Variants in C12orf42 observed in about 807,000 individuals in gnomAD.
C12orf42 encodes uncharacterized protein C12orf42.
A neutral mutation model predicts 21.6 loss-of-function variants in C12orf42; 25 were observed. That is an observed-to-expected ratio of 1.16 (90% CI 0.84 to 1.62). The LOEUF (loss-of-function observed/expected upper bound fraction) is 1.62, where lower values mean the gene tolerates loss of function less well. Ranked by LOEUF, C12orf42 falls within the 40% of genes most tolerant of loss-of-function variation. The pLI, the probability that C12orf42 is intolerant of heterozygous loss-of-function variation, is 0.00. For synonymous variants in C12orf42, 174 were observed against 175.0 expected (o/e 0.99, Z 0.05); for missense variants, 483 against 459.3 (o/e 1.05, Z -0.47).
At chr12:103,510,280 C>T in the C12orf42 span, among the ~76,000 whole-genome samples, 5 of 152,174 alleles carry the variant, frequency 3.3e-5, no homozygotes, top group Admixed American at 1.3e-4. Flanking sequence ...ATCAAACATT[C>T]TCACTCATAG....
At chr12:103,241,109 A>T (rs542974083) in intron 10 of C12orf42, among the ~76,000 whole-genome samples, 1 of 152,234 alleles carries the variant, frequency 6.6e-6, no homozygotes, top group Admixed American at 6.5e-5. Context: ...CAAAGAAGTT[A>T]TAAAAACCAT....
At chr12:103,482,408 G>C (rs779580214) in intron 1 of C12orf42, among the ~76,000 whole-genome samples, 2 of 152,120 alleles carry the variant, frequency 1.3e-5, no homozygotes, top group African/African-American at 2.4e-5. Flanking sequence ...CTGTTGTAAA[G>C]ATCGTAGTCA....
In C12orf42 at chr12:103,472,308, C is replaced by T. The variant is rs147779264; in HGVS notation, c.78+6041G>A. Among the ~76,000 whole-genome samples, 842 of 152,184 alleles carry T rather than the reference C, an allele frequency of 5.5e-3. 9 individuals are homozygous for T. The highest frequency in any genetic ancestry group is 0.02 in the African/African-American group (813 of 41,508). ...TGACCTCGTGATCCGCCCGCCTCGGCCTCCCAAAGTGCTGGAATTACAGGC... is the reference window on the plus strand; with the variant it reads ...TGACCTCGTGATCCGCCCGCCTCGGTCTCCCAAAGTGCTGGAATTACAGGC... On this transcript the variant is annotated intron_variant, in intron 2 of 5. Transcript: ENST00000548883.
chr12:103,193,736 G>C, the C12orf42 span, among the ~76,000 whole-genome samples: 2 of 152,048 alleles, frequency 1.3e-5, no homozygotes, highest in African/African-American at 2.4e-5. Context: ...GGACCAGAAG[G>C]CTTTACAGGT....
At chr12:103,489,601 T>C (rs1388562672) in intron 1 of C12orf42, among the ~76,000 whole-genome samples, 2 of 152,124 alleles carry the variant, frequency 1.3e-5, no homozygotes, top group Non-Finnish European at 2.9e-5. Context: ...CTATGGTGGG[T>C]TCCCCCAGTT....
rs545715621 is a variant in C12orf42 at position 103,344,795 on chromosome 12, G to C, written c.259+24092C>G. 1.8e-4 allele frequency among the ~76,000 whole-genome samples: 28 copies of C among 152,300 alleles called. 1 individual carries two copies. The highest frequency in any genetic ancestry group is 6.5e-4 in the African/African-American group (27 of 41,566). ...ACAGAAAAAGAAGAGTGAGGCAAGA[G>C]AAGACAGAGAGAGAGAGGCAGCTTT... is the stretch of plus-strand genomic sequence containing the variant. On this transcript the variant is annotated intron_variant, in intron 4 of 5. Transcript: ENST00000548883.
At chr12:103,230,166 A>T in the C12orf42 span, among the ~76,000 whole-genome samples, 1 of 151,366 alleles carries the variant, frequency 6.6e-6, no homozygotes, top group African/African-American at 2.5e-5. Context: ...AACCAGAAGT[A>T]TGGGCACAGC....
intron 3 of C12orf42, 26 bp downstream of exon 3, chr12:103,401,581 C>T: frequency 6.2e-7 from 1 of 1,607,920 alleles, no homozygotes; most frequent in Non-Finnish European, 8.5e-7. Context: ...TGGAGCAGCC[C>T]TGCACATAAC....
At position 103,425,827 on chromosome 12, in the gene C12orf42, T is replaced by G. The variant is rs1023250308; in HGVS notation, c.79-24152A>C. On this transcript the variant is annotated intron_variant, in intron 2 of 5. Coordinates refer to ENST00000548883, the MANE Select transcript of C12orf42 (RefSeq NM_198521.5). ...TGAGGTGAGGAATCTAGAGAGGCAG[T>G]CTGGCTACAGTGGCTTTGCCGAGCT... 1.0e-3 allele frequency among the ~76,000 whole-genome samples: 154 copies of G among 152,234 alleles called. 1 individual carries two copies. Among genetic ancestry groups the G allele is most frequent in the Non-Finnish European group, 1.8e-3 (122 of 68,008 alleles).
intron 2 of C12orf42, among the ~76,000 whole-genome samples, chr12:103,408,909 T>C (rs1367930856): frequency 1.3e-5 from 2 of 152,210 alleles, no homozygotes; most frequent in Non-Finnish European, 2.9e-5. Flanking sequence ...ATCCAAACAT[T>C]AGCAATTTCA....
chr12:103,076,392 A>G, the C12orf42 span, among the ~76,000 whole-genome samples: 1 of 151,938 alleles, frequency 6.6e-6, no homozygotes, highest in Non-Finnish European at 1.5e-5. Flanking sequence ...GGCAAGAGGC[A>G]GAGAAATATG....
downstream of C12orf42, among the ~76,000 whole-genome samples, chr12:103,232,804 C>A (rs181944867): frequency 6.6e-6 from 1 of 151,478 alleles, no homozygotes; most frequent in African/African-American, 2.4e-5. Context: ...GTAAGGTCTG[C>A]GTCTAGGTTC....
chr12:103,357,097 T>C (rs2137596828), intron 4 of C12orf42, among the ~76,000 whole-genome samples: 1 of 131,894 alleles, frequency 7.6e-6, no homozygotes, highest in Non-Finnish European at 1.5e-5. Context: ...AATTGAACAA[T>C]GAGAACACAT....
At chr12:103,154,787 CAA>C in the C12orf42 span, among the ~76,000 whole-genome samples, 4 of 151,870 alleles carry the variant, frequency 2.6e-5, no homozygotes, top group Non-Finnish European at 5.9e-5. Context: ...CAGAAAAAAA[CAA>C]AGAGAAAAAA....
At chr12:103,400,537 C>T (rs1346219842) in intron 3 of C12orf42, among the ~76,000 whole-genome samples, 2 of 152,194 alleles carry the variant, frequency 1.3e-5, no homozygotes, top group Non-Finnish European at 2.9e-5. Context: ...TAATGAAACA[C>T]CATATTGCAG....
the C12orf42 span, among the ~76,000 whole-genome samples, chr12:103,150,338 A>G: frequency 1.3e-5 from 2 of 152,348 alleles, no homozygotes; most frequent in South Asian, 2.1e-4. Context: ...GAAAGTGTCA[A>G]CGATGCTATA....
upstream of C12orf42, among the ~76,000 whole-genome samples, chr12:103,500,450 G>A (rs1377220425): frequency 6.6e-6 from 1 of 152,156 alleles, no homozygotes; most frequent in Non-Finnish European, 1.5e-5. Flanking sequence ...CCCCTCCTGG[G>A]TAGAAGGCTT....
At chr12:103,055,504 T>C in the C12orf42 span, among the ~76,000 whole-genome samples, 1 of 152,020 alleles carries the variant, frequency 6.6e-6, no homozygotes, top group South Asian at 2.1e-4. Flanking sequence ...AAGAACCAGC[T>C]CTTTGTTTCA....
intron 2 of C12orf42, among the ~76,000 whole-genome samples, chr12:103,444,386 A>G (rs1951448178): frequency 6.6e-6 from 1 of 152,122 alleles, no homozygotes; most frequent in African/African-American, 2.4e-5. Flanking sequence ...AATTAGAAGC[A>G]TTTTAAACAT....
Sources: allele counts gnomAD v4.1 joint callset (sites outside exome capture counted in the v4.1 genomes callset), GRCh38; gene constraint gnomAD v4.1.1; transcripts MANE v1.5; gene names NCBI Gene and HGNC (gene_info 2026-07-23, HGNC 2026-07-21).